SELP: variants seen among roughly 807,000 people sequenced by gnomAD.
SELP encodes the protein P-selectin.
In SELP, 92 loss-of-function variants were observed where a neutral mutation model predicts 104.1. That is an observed-to-expected ratio of 0.88 (90% CI 0.75 to 1.05). The LOEUF is 1.05. Ranked by LOEUF, SELP falls within the 50% of genes least tolerant of loss-of-function variation. The probability of loss-of-function intolerance (pLI) is 0.00; values close to 1 mark genes in which losing one functional copy is unlikely to be tolerated. For missense variants in SELP, 1,022 were observed against 1,017.3 expected (o/e 1.00, Z -0.06); for synonymous variants, 397 against 364.5 (o/e 1.09, Z -1.01).
chr1:169,627,356 A>T (rs1663423519), intron 1 of SELP, among the ~76,000 whole-genome samples: 1 of 152,254 alleles, frequency 6.6e-6, no homozygotes, highest in Non-Finnish European at 1.5e-5. Context: ...GACCCAGGAC[A>T]TCAACACTTA....
Position 169,607,009 on chromosome 1 carries a change from C to T in SELP, c.1459G>A (p.Ala487Thr). ...TCNEGLLLVG[A>T]SVLQCLATGN... ...GTAGCCAAGCACTGTAGCACACTTGCTCCCACCAGGAGCAAGCCTTCATTG... is the reference window on the plus strand; with the variant it reads ...GTAGCCAAGCACTGTAGCACACTTGTTCCCACCAGGAGCAAGCCTTCATTG... The change falls in exon 9 of 17, where the codon GCA becomes ACA. Residue 487 changes from alanine (A) to threonine (T), a missense_variant. Coordinates refer to ENST00000263686, the MANE Select transcript of SELP (RefSeq NM_003005.4). 1.2e-6 allele frequency: 2 copies of T among 1,613,882 alleles called. No individual in the cohort carries two copies. Among genetic ancestry groups the T allele is most frequent in the South Asian group, 1.1e-5 (1 of 91,062 alleles).
chr1:169,592,886 C>T (rs1383544570), intron 14 of SELP, among the ~76,000 whole-genome samples: 1 of 152,154 alleles, frequency 6.6e-6, no homozygotes, highest in Non-Finnish European at 1.5e-5. Context: ...CGAAACATAC[C>T]ATCTTCTCAT....
intron 10 of SELP, among the ~76,000 whole-genome samples, chr1:169,599,298 T>G: frequency 1.3e-5 from 2 of 151,278 alleles, no homozygotes; most frequent in East Asian, 3.9e-4. Flanking sequence ...TACCCAGGAA[T>G]GACTTTTGTG....
intron 1 of SELP, among the ~76,000 whole-genome samples, chr1:169,621,428 TTGTGTGTGTG>T (rs57079522): frequency 0.37 from 48,156 of 130,402 alleles, 8,613 homozygotes; most frequent in Middle Eastern, 0.5. Context: ...CAGTGTGAGG[TTGTGTGTGTG>T]TGTGTGTGTG....
intron 11 of SELP, 117 bp from the exon 12 acceptor site, chr1:169,596,251 C>A: frequency 1.2e-5 from 10 of 865,600 alleles, no homozygotes; most frequent in Non-Finnish European, 1.8e-5. Context: ...GAGGCTCCTG[C>A]AAGAGCTATT....
chr1:169,625,470 A>C (rs1166273831), intron 1 of SELP, among the ~76,000 whole-genome samples: 1 of 152,148 alleles, frequency 6.6e-6, no homozygotes, highest in Non-Finnish European at 1.5e-5. Context: ...TCTAATCAGC[A>C]TCTCCGTTTC....
At chr1:169,591,542 G>T in intron 14 of SELP, 86 bp from the exon 15 acceptor site, 2 of 923,550 alleles carry the variant, frequency 2.2e-6, no homozygotes, top group Non-Finnish European at 3.3e-6. Flanking sequence ...AAATTACTGG[G>T]GAAAACCAGT....
intron 9 of SELP, among the ~76,000 whole-genome samples, chr1:169,606,082 C>T (rs1203444196): frequency 6.6e-6 from 1 of 152,120 alleles, no homozygotes; most frequent in African/African-American, 2.4e-5. Context: ...TGTGGGAGGC[C>T]GAGTCAGGCA....
chr1:169,629,958 A>T (rs924430219), intron 1 of SELP, 114 bp downstream of exon 1: 8 of 1,384,328 alleles, frequency 5.8e-6, no homozygotes, highest in Non-Finnish European at 7.2e-6. Flanking sequence ...AATTCAACAT[A>T]AAACTCCATG....
Position 169,612,376 on chromosome 1 carries a change from G to A in SELP, c.802C>T (p.Pro268Ser), listed in dbSNP as rs1262285313. 1.2e-6 allele frequency: 2 copies of A among 1,613,954 alleles called. No individual in the cohort carries two copies. Among genetic ancestry groups the A allele is most frequent in the Admixed American group, 1.7e-5 (1 of 59,992 alleles). The stretch of plus-strand genomic sequence containing the variant: ...AGGCAGGTCATGTTTCCTCGTTCAG[G>A]AATCTTCAGGGGTGGGCACTGGGCA... Reference protein sequence around the residue: ...LAAQCPPLKIPERGNMTCLHS... With the variant: ...LAAQCPPLKISERGNMTCLHS... The change falls in exon 6 of 17, where the codon CCT (proline) becomes TCT (serine). Residue 268 changes from proline to serine, a missense_variant. Transcript: ENST00000263686.
intron 12 of SELP, 23 bp from the exon 13 acceptor site, chr1:169,594,900 G>A (rs1427384244): frequency 2.5e-6 from 4 of 1,598,168 alleles, no homozygotes; most frequent in African/African-American, 2.7e-5. Context: ...AATAATGCAA[G>A]AGAAACAACA....
intron 10 of SELP, among the ~76,000 whole-genome samples, chr1:169,599,124 A>G (rs891204217): frequency 1.8e-4 from 28 of 152,164 alleles, no homozygotes; most frequent in African/African-American, 6.5e-4. Flanking sequence ...TCATGTAAAG[A>G]AGTGGGTTTA....
At chr1:169,613,766 C>T in intron 3 of SELP, 73 bp from the exon 4 acceptor site, 1 of 1,248,162 alleles carries the variant, frequency 8.0e-7, no homozygotes, top group Non-Finnish European at 1.2e-6. Context: ...TCGTTTTGAC[C>T]ACAGACTCAT....
At chr1:169,620,949 CTG>C (rs57455285) in intron 1 of SELP, among the ~76,000 whole-genome samples, 1,383 of 76,782 alleles carry the variant, frequency 0.018, 15 homozygotes, top group Middle Eastern at 0.025. Flanking sequence ...GTGTGGGGTT[CTG>C]TGTGTGTGTG....
rs537344319 is a variant in SELP at position 169,607,242 on chromosome 1, C to A, written c.1334-108G>T. On this transcript the variant is annotated intron_variant, in intron 8 of 16. Coordinates refer to ENST00000263686, the MANE Select transcript of SELP (RefSeq NM_003005.4). ...CAAGAACAGGGATTCCTGAATTGGG[C>A]TTGTTTAACATAGAAGATAAGAAAA... 61 of 874,266 alleles carry A rather than the reference C, an allele frequency of 7.0e-5. No homozygotes were observed. The Middle Eastern group carries it at 1.2e-3, about 18-fold the overall frequency. The allele number at this position is 874,266 out of a possible 1,614,324, so 54.2% of individuals were successfully genotyped here.
rs774431324 is a variant in SELP, at chr1:169,613,109, C to T, written c.595G>A (p.Glu199Lys). 2.2e-5 allele frequency: 35 copies of T among 1,594,924 alleles called. No individual in the cohort carries two copies. Among genetic ancestry groups the T allele is most frequent in the Non-Finnish European group, 2.9e-5 (34 of 1,168,978 alleles). ...FYGPECEYVR[E>K]CGELELPQHV... The stretch of plus-strand genomic sequence containing the variant: ...TGAGGGAGCTCAAGTTCTCCACACT[C>T]TCTCACTGCAGGAGACAAAATAGTG... Residue 199 changes from glutamate to lysine, a missense_variant, in exon 5 of 17, where the codon GAG (glutamate) becomes AAG (lysine). Physicochemically the swap from Glu to Lys is moderately conservative, Grantham distance 56. Transcript: ENST00000263686.
chr1:169,601,246 A>G (rs2101881777), intron 10 of SELP, among the ~76,000 whole-genome samples: 1 of 152,300 alleles, frequency 6.6e-6, no homozygotes, highest in South Asian at 2.1e-4. Context: ...TTCTCAGGGA[A>G]CTTGTAGTAT....
chr1:169,592,914 G>A (rs963916224), intron 14 of SELP, among the ~76,000 whole-genome samples: 1 of 152,078 alleles, frequency 6.6e-6, no homozygotes, highest in Non-Finnish European at 1.5e-5. Flanking sequence ...ACACTTTCAT[G>A]TCTTTCTACA....
rs770324463 is a variant in SELP, at chr1:169,613,722, T to C, written c.482-29A>G. ...CATAGATATGGAAAGGTCAGAGTCA[T>C]GGACATTCACAGATGTGAGGAAAGG... On this transcript the variant is annotated intron_variant, in intron 3 of 16. Coordinates refer to ENST00000263686, the MANE Select transcript of SELP (RefSeq NM_003005.4). The C allele has an allele frequency of 5.1e-6, 8 of 1,583,048 alleles. No individual in the cohort carries two copies. The East Asian group carries it at 8.9e-5, about 18-fold the overall frequency.
Sources: gnomAD v4.1 joint callset for allele counts (sites outside exome capture counted in the v4.1 genomes callset) on GRCh38, gnomAD v4.1.1 for gene constraint, MANE v1.5 for transcripts, NCBI Gene and HGNC (gene_info 2026-07-23, HGNC 2026-07-21) for gene names.